FOXN3: variants seen among roughly 807,000 people sequenced by gnomAD.
FOXN3 encodes forkhead box N3, also known as forkhead box protein N3.
In FOXN3, 7 loss-of-function variants were observed where a neutral mutation model predicts 38.4. The ratio of observed to expected loss-of-function variants is 0.18; its 90% CI spans 0.10 to 0.34. FOXN3 has a LOEUF of 0.34. FOXN3 is among the 10% of genes least tolerant of loss of function. The pLI is 1.00. For synonymous variants in FOXN3, 230 were observed against 242.2 expected (o/e 0.95, Z 0.47); for missense variants, 456 against 613.4 (o/e 0.74, Z 2.71).
At chr14:89,175,730 C>G (rs547096463) in intron 5 of FOXN3, among the ~76,000 whole-genome samples, 1 of 152,286 alleles carries the variant, frequency 6.6e-6, no homozygotes, top group Non-Finnish European at 1.5e-5. Context: ...AACAGGCCTT[C>G]CCCACATCAG....
intron 1 of FOXN3, among the ~76,000 whole-genome samples, chr14:89,512,181 G>T (rs1333965301): frequency 6.6e-6 from 1 of 152,232 alleles, no homozygotes; most frequent in Non-Finnish European, 1.5e-5. Context: ...AAGCCATAGT[G>T]AGGGGCAGTA....
At chr14:89,408,660 A>G (rs1891454294) in intron 2 of FOXN3, among the ~76,000 whole-genome samples, 1 of 151,156 alleles carries the variant, frequency 6.6e-6, no homozygotes, top group African/African-American at 2.4e-5. Context: ...GCCCTCAGGG[A>G]CAGGGATCAC....
chr14:89,371,232 C>T (rs1187740681), intron 2 of FOXN3, among the ~76,000 whole-genome samples: 1 of 152,066 alleles, frequency 6.6e-6, no homozygotes, highest in Admixed American at 6.5e-5. Flanking sequence ...CGAAAGTGGC[C>T]CGGGGAGGAA....
At chr14:89,272,963 ATTC>A (rs1886194492) in intron 4 of FOXN3, among the ~76,000 whole-genome samples, 1 of 152,226 alleles carries the variant, frequency 6.6e-6, no homozygotes, top group African/African-American at 2.4e-5. Flanking sequence ...TTGGCCTCCT[ATTC>A]TTCTATGAGG....
intron 2 of FOXN3, among the ~76,000 whole-genome samples, chr14:89,366,574 T>C (rs887247631): frequency 6.6e-6 from 1 of 152,240 alleles, no homozygotes. Context: ...TCACCACTCA[T>C]TGCATTTACA....
At chr14:89,246,948 T>C (rs1032565515) in intron 4 of FOXN3, among the ~76,000 whole-genome samples, 1 of 152,142 alleles carries the variant, frequency 6.6e-6, no homozygotes, top group Admixed American at 6.5e-5. Flanking sequence ...CCTCCCTCAA[T>C]TCATCCCTCC....
rs113522908 is a variant in FOXN3, at chr14:89,270,885, C to T, written c.745+10065G>A. On this transcript the variant is annotated intron_variant, in intron 4 of 5. Transcript: ENST00000557258. ...CTGACTTAAAAGCTGAGGTCATTTA[C>T]CCTATGCCTGTGTGTCACGACTCAC... is the stretch of plus-strand genomic sequence containing the variant. Among the ~76,000 whole-genome samples the T allele has an allele frequency of 3.9e-3, 592 of 152,290 alleles. 2 individuals are homozygous for T. The highest frequency in any genetic ancestry group is 0.013 in the African/African-American group (557 of 41,552).
intron 3 of FOXN3, among the ~76,000 whole-genome samples, chr14:89,346,931 T>G (rs1888774898): frequency 6.6e-6 from 1 of 152,230 alleles, no homozygotes; most frequent in South Asian, 2.1e-4. Context: ...ACTATGTTAT[T>G]TATTTTGCTG....
At chr14:89,546,891 C>T (rs1047034298) in intron 1 of FOXN3, among the ~76,000 whole-genome samples, 1 of 152,034 alleles carries the variant, frequency 6.6e-6, no homozygotes, top group Non-Finnish European at 1.5e-5. Flanking sequence ...TCAGGCAATT[C>T]TCCTGCCTCA....
In FOXN3 at chr14:89,393,086, T is replaced by G. The variant is rs539853575; in HGVS notation, c.543+18848A>C. 9.2e-5 allele frequency among the ~76,000 whole-genome samples: 14 copies of G among 152,138 alleles called. No homozygotes were observed. The East Asian group carries it at 2.5e-3, about 27-fold the overall frequency. ...TCCCACAGTGCTGGGGTTACAGGCA[T>G]GAGCCACCGTGCCCGGCTTAATTTT... On this transcript the variant is annotated intron_variant, in intron 2 of 5. Transcript: ENST00000557258.
intron 2 of FOXN3, among the ~76,000 whole-genome samples, chr14:89,360,178 CT>C (rs1889405758): frequency 1.3e-5 from 2 of 152,158 alleles, no homozygotes; most frequent in African/African-American, 2.4e-5. Context: ...ATGCCCTCCC[CT>C]CCCGCCAAAA....
At chr14:89,433,436 C>T (rs771435275) in intron 1 of FOXN3, among the ~76,000 whole-genome samples, 3 of 152,070 alleles carry the variant, frequency 2.0e-5, no homozygotes, top group Non-Finnish European at 2.9e-5. Context: ...TAGCCGAGAT[C>T]GTGCCACTGC....
intron 4 of FOXN3, among the ~76,000 whole-genome samples, chr14:89,280,463 C>T (rs1392833088): frequency 6.6e-6 from 1 of 152,154 alleles, no homozygotes; most frequent in African/African-American, 2.4e-5. Context: ...AACCTCAGAA[C>T]AAACCACGGC....
chr14:89,612,851 G>A (rs1405820743), intron 1 of FOXN3, among the ~76,000 whole-genome samples: 2 of 151,650 alleles, frequency 1.3e-5, no homozygotes, highest in African/African-American at 2.4e-5. Context: ...CGGACACGGT[G>A]GCTCACGCTT....
At chr14:89,292,869 CAT>C (rs1202545389) in intron 3 of FOXN3, among the ~76,000 whole-genome samples, 1 of 152,216 alleles carries the variant, frequency 6.6e-6, no homozygotes, top group Non-Finnish European at 1.5e-5. Context: ...CATGCACTCA[CAT>C]GAGAAGCCTC....
chr14:89,334,805 T>G (rs1285593568), intron 3 of FOXN3, among the ~76,000 whole-genome samples: 1 of 152,054 alleles, frequency 6.6e-6, no homozygotes, highest in Non-Finnish European at 1.5e-5. Flanking sequence ...TCTTGCTCCG[T>G]CACCCAGGCT....
chr14:89,260,574 C>T (rs1885767466), intron 4 of FOXN3, among the ~76,000 whole-genome samples: 1 of 152,232 alleles, frequency 6.6e-6, no homozygotes, highest in Admixed American at 6.5e-5. Flanking sequence ...CGGCAATGGG[C>T]CTGATGGCCG....
chr14:89,485,509 A>T (rs1893428150), intron 1 of FOXN3, among the ~76,000 whole-genome samples: 1 of 152,190 alleles, frequency 6.6e-6, no homozygotes. Flanking sequence ...GGCCAGACAG[A>T]GCTCAGAGGG....
At chr14:89,518,912 G>A (rs1401714765) in intron 1 of FOXN3, among the ~76,000 whole-genome samples, 3 of 152,210 alleles carry the variant, frequency 2.0e-5, no homozygotes, top group Non-Finnish European at 4.4e-5. Flanking sequence ...CTACTTGGGA[G>A]GCTGAGGCAG....
Sources: gnomAD v4.1 joint callset for allele counts (sites outside exome capture counted in the v4.1 genomes callset) on GRCh38, gnomAD v4.1.1 for gene constraint, MANE v1.5 for transcripts, NCBI Gene and HGNC (gene_info 2026-07-23, HGNC 2026-07-21) for gene names.